The following SV2C variants were observed in gnomAD, a reference collection of about 807,000 sequenced individuals.
SV2C encodes the protein solute carrier family 22 member B3.
In SV2C, 49 loss-of-function variants were observed where a neutral mutation model predicts 79.7. That is an observed-to-expected ratio of 0.61 (90% confidence interval 0.49 to 0.78). SV2C has a LOEUF of 0.78. Ranked by LOEUF, SV2C falls within the 30% of genes least tolerant of loss-of-function variation. The pLI is 0.00. For missense variants in SV2C, 833 were observed against 912.9 expected, an observed-to-expected ratio of 0.91 and a Z score of 1.13; for synonymous variants, 334 against 333.2, an observed-to-expected ratio of 1.00 and a Z score of -0.03.
chr5:76,177,473 A>G (rs1743574132), intron 2 of SV2C, among the ~76,000 whole-genome samples: 1 of 151,922 alleles, frequency 6.6e-6, no homozygotes, highest in Non-Finnish European at 1.5e-5. Context: ...AATAACTGAT[A>G]ATAAAATAAT....
At chr5:76,173,879 C>G in intron 2 of SV2C, 1 of 1,596,582 alleles carries the variant, frequency 6.3e-7, no homozygotes. Flanking sequence ...GTCTTTAACT[C>G]GAAGAATCTG....
intron 1 of SV2C, among the ~76,000 whole-genome samples, chr5:76,089,263 G>C (rs1301743491): frequency 1.3e-5 from 2 of 152,176 alleles, no homozygotes; most frequent in Non-Finnish European, 2.9e-5. Context: ...CGACTTATAA[G>C]TGAGAACATG....
At chr5:76,116,595 G>A (rs1247470288) in intron 1 of SV2C, among the ~76,000 whole-genome samples, 1 of 152,120 alleles carries the variant, frequency 6.6e-6, no homozygotes, top group Non-Finnish European at 1.5e-5. Flanking sequence ...AGGCAGAACT[G>A]ACCACATTGA....
chr5:75,906,433 C>CT, the SV2C span, among the ~76,000 whole-genome samples: 4,385 of 136,998 alleles, frequency 0.032, 184 homozygotes, highest in African/African-American at 0.1. Flanking sequence ...TTCATGTCTG[C>CT]TTTTTTTTTT....
At chr5:75,906,605 T>C in the SV2C span, among the ~76,000 whole-genome samples, 2 of 152,110 alleles carry the variant, frequency 1.3e-5, no homozygotes, top group Non-Finnish European at 1.5e-5. Context: ...AAAATCAAAT[T>C]CAAGTGAAAT....
chr5:76,062,420 C>T, the SV2C span, among the ~76,000 whole-genome samples: 2 of 151,966 alleles, frequency 1.3e-5, no homozygotes, highest in African/African-American at 4.8e-5. Context: ...TACAAGGCAC[C>T]ATCTTGGAAG....
the SV2C span, among the ~76,000 whole-genome samples, chr5:75,884,301 A>C: frequency 4.6e-5 from 7 of 152,320 alleles, no homozygotes; most frequent in South Asian, 1.0e-3. Context: ...GGAACCTGCC[A>C]ACAATGCCAT....
At chr5:76,032,171 T>G in the SV2C span, among the ~76,000 whole-genome samples, 1 of 152,202 alleles carries the variant, frequency 6.6e-6, no homozygotes, top group Non-Finnish European at 1.5e-5. Context: ...ATTGATTAAC[T>G]GATACATGCA....
intron 2 of SV2C, among the ~76,000 whole-genome samples, chr5:76,182,391 T>A (rs10514062): frequency 0.79 from 120,784 of 152,124 alleles, 48,534 homozygotes; most frequent in East Asian, 0.91. Context: ...ACAACTATGG[T>A]CTCTGATAAC....
chr5:75,853,513 G>A, the SV2C span, among the ~76,000 whole-genome samples: 8 of 130,382 alleles, frequency 6.1e-5, no homozygotes, highest in African/African-American at 1.2e-4. Flanking sequence ...CACAGATCGC[G>A]CCACTGCACT....
intron 12 of SV2C, among the ~76,000 whole-genome samples, chr5:76,339,758 C>T (rs1165746861): frequency 6.6e-6 from 1 of 152,032 alleles, no homozygotes; most frequent in African/African-American, 2.4e-5. Context: ...TTCTCCTCCA[C>T]TTCCCACATA....
At chr5:76,192,625 C>A (rs1342691569) in intron 2 of SV2C, among the ~76,000 whole-genome samples, 2 of 152,168 alleles carry the variant, frequency 1.3e-5, no homozygotes, top group Non-Finnish European at 2.9e-5. Context: ...CAATTATTCA[C>A]CTGATGCCTT....
chr5:76,078,784 A>G, upstream of SV2C: 1 of 586,770 alleles, frequency 1.7e-6, no homozygotes. Flanking sequence ...GAGTCTGCAC[A>G]CCTGGCAGGT....
Position 76,132,225 on chromosome 5 carries a change from G to A in SV2C, c.475G>A (p.Gly159Ser). 6.2e-7 allele frequency: 1 copy of A among 1,614,070 alleles called. No homozygotes were observed. The highest frequency in any genetic ancestry group is 8.5e-7 in the Non-Finnish European group (1 of 1,180,020). ...RFQWALFFVL[G>S]MALMADGVEV... ...TCAGTGGGCCCTTTTCTTCGTCCTG[G>A]GCATGGCTCTTATGGCAGACGGTGT... Residue 159 changes from glycine (G) to serine (S), a missense_variant, in exon 2 of 13, where the codon GGC (glycine) becomes AGC (serine). Gly to Ser is a moderately conservative substitution (Grantham distance 56). Transcript: ENST00000502798.
chr5:76,258,643 G>T (rs1052949020), intron 4 of SV2C, among the ~76,000 whole-genome samples: 1 of 152,150 alleles, frequency 6.6e-6, no homozygotes, highest in Non-Finnish European at 1.5e-5. Context: ...ATGTAATCTT[G>T]CTGCTGTTTT....
intron 12 of SV2C, among the ~76,000 whole-genome samples, chr5:76,312,165 G>A (rs1454089023): frequency 6.6e-6 from 1 of 150,856 alleles, no homozygotes; most frequent in Non-Finnish European, 1.5e-5. Flanking sequence ...GTTTCTCTGC[G>A]TCCAGGTGTT....
intron 1 of SV2C, among the ~76,000 whole-genome samples, chr5:76,120,087 T>C (rs1258285128): frequency 6.6e-6 from 1 of 152,188 alleles, no homozygotes; most frequent in African/African-American, 2.4e-5. Context: ...CCTTATACAA[T>C]GTATACATGT....
intron 6 of SV2C, among the ~76,000 whole-genome samples, chr5:76,287,144 A>G (rs1408180331): frequency 6.6e-6 from 1 of 152,220 alleles, no homozygotes; most frequent in Non-Finnish European, 1.5e-5. Flanking sequence ...CTAATTTGTG[A>G]AAAGTTTATT....
At chr5:75,862,999 G>A in the SV2C span, among the ~76,000 whole-genome samples, 1 of 152,204 alleles carries the variant, frequency 6.6e-6, no homozygotes, top group East Asian at 1.9e-4. Flanking sequence ...GTTACCTGGT[G>A]TGGATTCCAA....
Sources: gnomAD v4.1 joint callset for allele counts (sites outside exome capture counted in the v4.1 genomes callset) on GRCh38, gnomAD v4.1.1 for gene constraint, MANE v1.5 for transcripts, NCBI Gene and HGNC (gene_info 2026-07-23, HGNC 2026-07-21) for gene names.